Variants in ACER1 observed in about 807,000 individuals in gnomAD.
The protein encoded by ACER1 is alkaline ceramidase 1.
In ACER1, 28 loss-of-function variants were observed where a neutral mutation model predicts 24.9. The ratio of observed to expected loss-of-function variants is 1.13; its 90% CI spans 0.83 to 1.54. The LOEUF is 1.54. ACER1 is among the 40% of genes most tolerant of loss of function. The probability of loss-of-function intolerance (pLI) is 0.00; values close to 1 mark genes in which losing one functional copy is unlikely to be tolerated. For synonymous variants in ACER1, 132 were observed against 131.4 expected (o/e 1.00, Z -0.03); for missense variants, 352 against 349.3 (o/e 1.01, Z -0.06).
chr19:6,337,019 T>C (rs2091717170), upstream of ACER1, among the ~76,000 whole-genome samples: 1 of 150,886 alleles, frequency 6.6e-6, no homozygotes, highest in Admixed American at 6.6e-5. Flanking sequence ...CTACTAAAAA[T>C]ACAAAAATTA....
intron 1 of ACER1, among the ~76,000 whole-genome samples, chr19:6,329,920 G>C (rs2091679349): frequency 6.6e-6 from 1 of 150,814 alleles, no homozygotes. Flanking sequence ...ACCCAGGTTG[G>C]AGTGCAGTGG....
rs532766291 is a variant in ACER1, at chr19:6,330,351, A to G, written c.93+3108T>C. Among the ~76,000 whole-genome samples the G allele has an allele frequency of 2.7e-5, 4 of 149,348 alleles. No homozygotes were observed. The East Asian group carries it at 7.8e-4, about 29-fold the overall frequency. ...CCCAGCTAATTTTTGTATTTTTAGT[A>G]GAGATGGGGTTTCACCATGTTGTCC... On this transcript the variant is annotated intron_variant, in intron 1 of 5. Coordinates refer to ENST00000301452, the MANE Select transcript of ACER1 (RefSeq NM_133492.3).
the ACER1 span, among the ~76,000 whole-genome samples, chr19:6,340,765 G>C: frequency 6.6e-6 from 1 of 152,140 alleles, no homozygotes; most frequent in Non-Finnish European, 1.5e-5. Context: ...GAGCAGCCAG[G>C]AAGGTGGGTG....
intron 1 of ACER1, among the ~76,000 whole-genome samples, chr19:6,320,230 G>A (rs570839996): frequency 6.6e-6 from 1 of 152,166 alleles, no homozygotes; most frequent in African/African-American, 2.4e-5. Flanking sequence ...TCTGTCTCCA[G>A]TTGAGGACAG....
the ACER1 span, among the ~76,000 whole-genome samples, chr19:6,345,619 C>T: frequency 1.4e-5 from 2 of 148,024 alleles, no homozygotes; most frequent in African/African-American, 5.0e-5. Flanking sequence ...GGCTGGAGTG[C>T]AGTGGTACGA....
the ACER1 span, among the ~76,000 whole-genome samples, chr19:6,348,569 G>A: frequency 8.6e-5 from 13 of 151,624 alleles, no homozygotes; most frequent in East Asian, 9.7e-4. Flanking sequence ...AAAATCTTTC[G>A]TCACAAAGAA....
At position 6,310,127 on chromosome 19, in the gene ACER1, G is replaced by A. The variant is rs147855143; in HGVS notation, c.351-293C>T. On this transcript the variant is annotated intron_variant, in intron 3 of 5. Coordinates refer to ENST00000301452, the MANE Select transcript of ACER1 (RefSeq NM_133492.3). Reference sequence around the variant, plus strand: ...TTTTGAGACGGAGTCTCGCTCTGTCGCCCAGGCTGGAGTGCAGCAGTGCGA... The same window carrying A: ...TTTTGAGACGGAGTCTCGCTCTGTCACCCAGGCTGGAGTGCAGCAGTGCGA... Among the ~76,000 whole-genome samples, 930 of 151,688 alleles carry A rather than the reference G, an allele frequency of 6.1e-3. 7 individuals are homozygous for A. The highest frequency in any genetic ancestry group is 0.021 in the African/African-American group (849 of 41,394).
intron 4 of ACER1, 78 bp downstream of exon 4, chr19:6,309,619 C>G: frequency 6.3e-7 from 1 of 1,579,616 alleles, no homozygotes; most frequent in Middle Eastern, 1.9e-4. Context: ...AAGGGACGTC[C>G]CCTCCGCGAG....
At chr19:6,331,879 T>A (rs1224463590) in intron 1 of ACER1, among the ~76,000 whole-genome samples, 2 of 152,096 alleles carry the variant, frequency 1.3e-5, no homozygotes, top group Non-Finnish European at 2.9e-5. Context: ...ACCTCTGTGT[T>A]CCCAGCACCC....
chr19:6,359,132 T>A, the ACER1 span, among the ~76,000 whole-genome samples: 1 of 151,882 alleles, frequency 6.6e-6, no homozygotes, highest in Admixed American at 6.6e-5. Flanking sequence ...CTTGGGAGGC[T>A]GAGGTGAGAG....
chr19:6,344,245 G>T, the ACER1 span, among the ~76,000 whole-genome samples: 1 of 151,812 alleles, frequency 6.6e-6, no homozygotes, highest in Admixed American at 6.6e-5. Context: ...CTCCAGCCTG[G>T]GCGACAGAGC....
the ACER1 span, among the ~76,000 whole-genome samples, chr19:6,340,329 A>G: frequency 1.4e-5 from 2 of 140,614 alleles, no homozygotes; most frequent in African/African-American, 5.3e-5. Flanking sequence ...GGAAGGAAGG[A>G]AGGAAGGAAG....
At chr19:6,333,138 C>T (rs549232891) in intron 1 of ACER1, among the ~76,000 whole-genome samples, 1 of 152,226 alleles carries the variant, frequency 6.6e-6, no homozygotes, top group Admixed American at 6.6e-5. Context: ...CTCCCCCTAC[C>T]ACAGCTGCCT....
the ACER1 span, among the ~76,000 whole-genome samples, chr19:6,355,140 G>C: frequency 1.3e-5 from 2 of 152,108 alleles, no homozygotes; most frequent in African/African-American, 4.8e-5. Flanking sequence ...TGGTGCCCAG[G>C]CTGGAGTGCA....
chr19:6,342,925 C>T, the ACER1 span, among the ~76,000 whole-genome samples: 17 of 151,826 alleles, frequency 1.1e-4, no homozygotes, highest in African/African-American at 4.1e-4. Flanking sequence ...TTACAGGCAC[C>T]CGCCACTGTG....
At chr19:6,352,601 CACAGGTGTATGAACA>C in the ACER1 span, among the ~76,000 whole-genome samples, 2 of 152,196 alleles carry the variant, frequency 1.3e-5, no homozygotes, top group Non-Finnish European at 2.9e-5. Context: ...CTAACTGAAA[CACAGGTGTATGAACA>C]ACTCTGCCAT....
intron 3 of ACER1, among the ~76,000 whole-genome samples, chr19:6,310,092 T>C (rs2091570684): frequency 6.6e-6 from 1 of 150,700 alleles, no homozygotes; most frequent in Admixed American, 6.6e-5. Context: ...TGAAACCCCA[T>C]TTCTTTTTTT....
At chr19:6,359,598 A>G in the ACER1 span, among the ~76,000 whole-genome samples, 1 of 152,068 alleles carries the variant, frequency 6.6e-6, no homozygotes, top group Non-Finnish European at 1.5e-5. Flanking sequence ...GATTGCAGGC[A>G]TGAGCCACCA....
At chr19:6,319,088 G>A (rs2091617686) in intron 1 of ACER1, among the ~76,000 whole-genome samples, 1 of 151,992 alleles carries the variant, frequency 6.6e-6, no homozygotes, top group Non-Finnish European at 1.5e-5. Context: ...AAATAGCTGG[G>A]GCTGCTGCTG....
Sources: allele counts gnomAD v4.1 joint callset (sites outside exome capture counted in the v4.1 genomes callset), GRCh38; gene constraint gnomAD v4.1.1; transcripts MANE v1.5; gene names NCBI Gene and HGNC (gene_info 2026-07-23, HGNC 2026-07-21).